DNAJC1: variants seen among roughly 807,000 people sequenced by gnomAD.
DNAJC1 encodes the protein dnaJ homolog subfamily C member 1.
In DNAJC1, 58 loss-of-function variants were observed where a neutral mutation model predicts 76.6. That is an observed-to-expected ratio of 0.76 (90% CI 0.61 to 0.94). The LOEUF is 0.94. Ranked by LOEUF, DNAJC1 falls within the 40% of genes least tolerant of loss-of-function variation. DNAJC1 has a pLI of 0.00. For missense variants in DNAJC1, 689 were observed against 677.3 expected (o/e 1.02, Z -0.19); for synonymous variants, 258 against 267.9 (o/e 0.96, Z 0.36).
rs116889263 is a variant in DNAJC1, at chr10:21,798,048, C to A, written c.1098+7932G>T. On this transcript the variant is annotated intron_variant, in intron 9 of 11. Transcript: ENST00000376980. ...ATAGCTTTTTAACAAAAGCAGTACACAAGGTCTTATGACAGAAAACAATGC... is the reference window on the plus strand; with the variant it reads ...ATAGCTTTTTAACAAAAGCAGTACAAAAGGTCTTATGACAGAAAACAATGC... Among the ~76,000 whole-genome samples the A allele has an allele frequency of 2.0e-5, 3 of 152,304 alleles. No homozygotes were observed. The East Asian group carries it at 5.8e-4, about 29-fold the overall frequency.
At chr10:21,775,412 G>C (rs1260808272) in intron 9 of DNAJC1, among the ~76,000 whole-genome samples, 4 of 140,720 alleles carry the variant, frequency 2.8e-5, no homozygotes, top group East Asian at 4.3e-4. Flanking sequence ...CATGGCAGAT[G>C]ATGGCAAAAT....
intron 8 of DNAJC1, among the ~76,000 whole-genome samples, chr10:21,879,407 T>G (rs1257829980): frequency 2.6e-5 from 4 of 152,144 alleles, no homozygotes; most frequent in Admixed American, 6.6e-5. Context: ...GCGGATCACT[T>G]GAGGCCAAGA....
At chr10:21,990,471 G>C (rs1838310422) in intron 1 of DNAJC1, among the ~76,000 whole-genome samples, 1 of 152,176 alleles carries the variant, frequency 6.6e-6, no homozygotes, top group African/African-American at 2.4e-5. Flanking sequence ...TTTAGAAGAA[G>C]TATATGTTCA....
intron 10 of DNAJC1, among the ~76,000 whole-genome samples, chr10:21,761,524 C>G (rs1459413712): frequency 6.9e-6 from 1 of 145,132 alleles, no homozygotes; most frequent in African/African-American, 2.6e-5. Flanking sequence ...GTACCACAGC[C>G]TGGGCGACAG....
intron 8 of DNAJC1, among the ~76,000 whole-genome samples, chr10:21,833,958 T>A (rs1032696850): frequency 6.6e-6 from 1 of 151,900 alleles, no homozygotes; most frequent in Non-Finnish European, 1.5e-5. Context: ...TAAAAAAAAA[T>A]ACTTTATGAA....
At chr10:21,852,550 T>C (rs894565067) in intron 8 of DNAJC1, among the ~76,000 whole-genome samples, 1 of 152,144 alleles carries the variant, frequency 6.6e-6, no homozygotes, top group Non-Finnish European at 1.5e-5. Flanking sequence ...CCAGAAAAGC[T>C]AAAATGAAAA....
chr10:21,865,377 A>G (rs1835981222), intron 8 of DNAJC1: 1 of 152,164 alleles, frequency 6.6e-6, no homozygotes, highest in Non-Finnish European at 1.5e-5. Flanking sequence ...ATACAATAGA[A>G]TATTACTTAG....
chr10:21,958,037 T>C (rs1837723386), intron 1 of DNAJC1, among the ~76,000 whole-genome samples: 1 of 152,200 alleles, frequency 6.6e-6, no homozygotes, highest in Non-Finnish European at 1.5e-5. Context: ...TACCTAACAC[T>C]GGTTTTACCA....
intron 8 of DNAJC1, among the ~76,000 whole-genome samples, chr10:21,833,692 T>C (rs1835399633): frequency 6.6e-6 from 1 of 152,128 alleles, no homozygotes; most frequent in African/African-American, 2.4e-5. Context: ...CGCAGAACAG[T>C]ACCAGGCACA....
At chr10:21,959,255 G>T (rs562568439) in intron 1 of DNAJC1, among the ~76,000 whole-genome samples, 1 of 151,922 alleles carries the variant, frequency 6.6e-6, no homozygotes. Context: ...CTCCTGAGTA[G>T]CTGGGATTAC....
At chr10:21,909,001 C>T (rs1590044127) in intron 6 of DNAJC1, among the ~76,000 whole-genome samples, 1 of 152,264 alleles carries the variant, frequency 6.6e-6, no homozygotes, top group East Asian at 1.9e-4. Context: ...TTATCCCTGC[C>T]TCAGCCTCCC....
At chr10:21,959,803 A>AAAC (rs1375088960) in intron 1 of DNAJC1, among the ~76,000 whole-genome samples, 2 of 150,714 alleles carry the variant, frequency 1.3e-5, no homozygotes, top group South Asian at 2.1e-4. Context: ...ACAAAAACAA[A>AAAC]AAAAAAAAAA....
intron 8 of DNAJC1, among the ~76,000 whole-genome samples, chr10:21,814,458 T>C (rs1226372049): frequency 6.6e-6 from 1 of 152,196 alleles, no homozygotes; most frequent in Admixed American, 6.5e-5. Flanking sequence ...ATAATGAGCA[T>C]GAAAAGAGAA....
rs1652434220 is a variant in DNAJC1, at chr10:21,766,268, G to A, written c.1140C>T (p.Cys380=). Reference sequence around the variant, plus strand: ...GAGGAAGTATGAACTCACCTGGGGAGCAGGTCACTGAATCCTTCAGTTGCT... The same window carrying A: ...GAGGAAGTATGAACTCACCTGGGGAACAGGTCACTGAATCCTTCAGTTGCT... ...KAKQLKDSVT[C]SPGMVRLSEL... The change falls in exon 10 of 12, where the codon TGC becomes TGT. Residue 380 remains cysteine, a synonymous_variant. Coordinates refer to ENST00000376980, the MANE Select transcript of DNAJC1 (RefSeq NM_022365.4). 1 of 1,611,712 alleles carries A rather than the reference G, an allele frequency of 6.2e-7. No homozygotes were observed. The highest frequency in any genetic ancestry group is 1.1e-5 in the South Asian group (1 of 91,008).
At chr10:21,938,676 A>G (rs1590057941) in intron 1 of DNAJC1, among the ~76,000 whole-genome samples, 1 of 152,206 alleles carries the variant, frequency 6.6e-6, no homozygotes, top group South Asian at 2.1e-4. Context: ...CTTTTGGCCC[A>G]AGGACTGTAG....
At chr10:21,771,428 T>G (rs780220769) in intron 9 of DNAJC1, among the ~76,000 whole-genome samples, 2 of 152,252 alleles carry the variant, frequency 1.3e-5, no homozygotes, top group Non-Finnish European at 2.9e-5. Flanking sequence ...GTCTTTTATC[T>G]GGTTGAGATA....
chr10:21,822,239 G>A (rs1221831939), intron 8 of DNAJC1, among the ~76,000 whole-genome samples: 4 of 152,068 alleles, frequency 2.6e-5, no homozygotes, highest in Admixed American at 1.3e-4. Context: ...AGGAGTTCGC[G>A]ACCAGCCTGG....
intron 8 of DNAJC1, among the ~76,000 whole-genome samples, chr10:21,812,744 C>T (rs1834988923): frequency 6.6e-6 from 1 of 152,114 alleles, no homozygotes; most frequent in African/African-American, 2.4e-5. Flanking sequence ...AATTCTTTAA[C>T]TTTTACTTTG....
chr10:21,918,656 C>A, intron 6 of DNAJC1, 123 bp downstream of exon 6: 1 of 626,992 alleles, frequency 1.6e-6, no homozygotes, highest in Non-Finnish European at 2.8e-6. Context: ...AAAAATCCTA[C>A]TCAATCAACA....
Sources: gnomAD v4.1 joint callset for allele counts (sites outside exome capture counted in the v4.1 genomes callset) on GRCh38, gnomAD v4.1.1 for gene constraint, MANE v1.5 for transcripts, NCBI Gene and HGNC (gene_info 2026-07-23, HGNC 2026-07-21) for gene names.